The following ARMC2 variants were observed in gnomAD, a reference collection of about 807,000 sequenced individuals.
The protein encoded by ARMC2 is armadillo repeat-containing protein 2.
In ARMC2, 67 loss-of-function variants were observed where a neutral mutation model predicts 90.3. The ratio of observed to expected loss-of-function variants is 0.74; its 90% CI spans 0.61 to 0.91. ARMC2 has a LOEUF of 0.91. Ranked by LOEUF, ARMC2 falls within the 40% of genes least tolerant of loss-of-function variation. The pLI is 0.00. For missense variants in ARMC2, 920 were observed against 1,030.9 expected, an observed-to-expected ratio of 0.89 and a Z score of 1.47; for synonymous variants, 393 against 393.0, an observed-to-expected ratio of 1.00 and a Z score of 0.00.
At chr6:108,924,595 C>T (rs945774725) in intron 10 of ARMC2, among the ~76,000 whole-genome samples, 1 of 152,114 alleles carries the variant, frequency 6.6e-6, no homozygotes, top group Non-Finnish European at 1.5e-5. Context: ...AAAGGCATGG[C>T]GTCATGAAGG....
the ARMC2 span, among the ~76,000 whole-genome samples, chr6:109,021,262 T>C: frequency 6.6e-6 from 1 of 152,136 alleles, no homozygotes; most frequent in Non-Finnish European, 1.5e-5. Context: ...GGATTACAGG[T>C]GTGAGCCACC....
chr6:108,990,712 T>C, the ARMC2 span: 7 of 1,614,174 alleles, frequency 4.3e-6, no homozygotes, highest in South Asian at 7.7e-5. Flanking sequence ...TCAACATCTT[T>C]GTGCATTGCC....
At chr6:108,995,174 C>T in the ARMC2 span, among the ~76,000 whole-genome samples, 13 of 152,194 alleles carry the variant, frequency 8.5e-5, 1 homozygote, top group South Asian at 2.7e-3. Context: ...ATAAAATTAG[C>T]AATAATGTCA....
chr6:108,944,137 A>G lies in ARMC2; in HGVS notation c.1596+7138A>G, dbSNP rs72935137. 6.1e-3 allele frequency among the ~76,000 whole-genome samples: 930 copies of G among 152,338 alleles called. 5 individuals carry two copies. Among genetic ancestry groups the G allele is most frequent in the Non-Finnish European group, 9.3e-3 (630 of 68,034 alleles). ...CCCATAAAACCTCAAAAGATTTTAA[A>G]GTGATTAATCAAATCAGCCACACAG... On this transcript the variant is annotated intron_variant, in intron 12 of 17. Transcript: ENST00000392644.
Position 108,930,558 on chromosome 6 carries a change from G to A in ARMC2, c.1496+2325G>A, listed in dbSNP as rs74981388. On this transcript the variant is annotated intron_variant, in intron 11 of 17. Transcript: ENST00000392644. ...ATTAATGATTTTTTTTCTCATTAGT[G>A]GGTATTAAGTTTTGTCAAATGCTTG... 2.1e-3 allele frequency among the ~76,000 whole-genome samples: 310 copies of A among 149,478 alleles called. 2 individuals carry two copies. Among genetic ancestry groups the A allele is most frequent in the Non-Finnish European group, 3.5e-3 (235 of 67,398 alleles).
chr6:108,953,183 C>G lies in ARMC2; in HGVS notation c.1747C>G (p.Pro583Ala), dbSNP rs763924247. Residue 583 changes from proline (P) to alanine (A), a missense_variant, in exon 13 of 18, where the codon CCG becomes GCG. Physicochemically the swap from Pro to Ala is conservative, Grantham distance 27 (BLOSUM62 -1). Coordinates refer to ENST00000392644, the MANE Select transcript of ARMC2 (RefSeq NM_032131.6). ...FHQLDLHSQK[P>A]VGQRGEQHRA... ...TCAGCTGGATCTGCATTCCCAGAAG[C>G]CGGTGGGCCAACGAGGCGAGCAGCA... The G allele has an allele frequency of 5.6e-6, 9 of 1,613,926 alleles. No individual in the cohort carries two copies. In the East Asian group the frequency reaches 2.0e-4, roughly 36 times the overall value.
At chr6:108,918,617 C>G (rs1774233383) in intron 10 of ARMC2, among the ~76,000 whole-genome samples, 1 of 152,092 alleles carries the variant, frequency 6.6e-6, no homozygotes, top group Non-Finnish European at 1.5e-5. Context: ...TGGGGCAGGC[C>G]CAGTGCCGCC....
At chr6:109,009,513 G>T in the ARMC2 span, 12 of 1,198,882 alleles carry the variant, frequency 1.0e-5, no homozygotes, top group African/African-American at 3.2e-5. Flanking sequence ...CTGGGCAGCC[G>T]GCCGCGGCTC....
intron 17 of ARMC2, among the ~76,000 whole-genome samples, chr6:108,967,383 CG>C (rs912933573): frequency 4.6e-5 from 7 of 152,136 alleles, no homozygotes; most frequent in African/African-American, 1.7e-4. Context: ...GGTGGGGCTG[CG>C]GGGCCGGGGC....
chr6:108,888,927 AC>A (rs1192923378), intron 5 of ARMC2, among the ~76,000 whole-genome samples: 1 of 152,078 alleles, frequency 6.6e-6, no homozygotes, highest in East Asian at 1.9e-4. Flanking sequence ...TTGTATAAGA[AC>A]CCATGACAGT....
rs1226892659 is a variant in ARMC2 at position 108,965,822 on chromosome 6, AT to A, written c.2446+693del. Reference sequence around the variant, plus strand: ...ACCATGCCCAGATAATTAAAAAAAAATTTTTTTTTTTGTAGCGATGAGGTCT... The same window carrying A: ...ACCATGCCCAGATAATTAAAAAAAAATTTTTTTTTTGTAGCGATGAGGTCT... On this transcript the variant is annotated intron_variant, in intron 17 of 17. Transcript: ENST00000392644. Among the ~76,000 whole-genome samples the A allele has an allele frequency of 8.1e-3, 1,175 of 145,814 alleles. 20 individuals are homozygous for A. The highest frequency in any genetic ancestry group is 0.028 in the African/African-American group (1,093 of 39,376).
the ARMC2 span, among the ~76,000 whole-genome samples, chr6:109,046,046 ATAT>A: frequency 6.6e-6 from 1 of 152,322 alleles, no homozygotes; most frequent in Admixed American, 6.5e-5. Flanking sequence ...TAAGTAAAAA[ATAT>A]TATATTTACA....
chr6:108,980,970 C>A, the ARMC2 span, among the ~76,000 whole-genome samples: 13,694 of 152,196 alleles, frequency 0.09, 840 homozygotes, highest in Middle Eastern at 0.2. Context: ...AGGGTTCATA[C>A]CTGATGTGGC....
At chr6:108,850,465 T>C (rs1199961598) in intron 1 of ARMC2, among the ~76,000 whole-genome samples, 2 of 152,186 alleles carry the variant, frequency 1.3e-5, no homozygotes, top group Non-Finnish European at 2.9e-5. Flanking sequence ...ATCTCTCCTC[T>C]AACCTCTGCT....
intron 5 of ARMC2, among the ~76,000 whole-genome samples, chr6:108,881,923 T>G (rs1212782124): frequency 6.6e-6 from 1 of 152,134 alleles, no homozygotes; most frequent in Non-Finnish European, 1.5e-5. Flanking sequence ...CTATGGATCC[T>G]TATTCAGCGT....
At chr6:109,000,681 C>T in the ARMC2 span, 4 of 1,537,032 alleles carry the variant, frequency 2.6e-6, no homozygotes, top group Admixed American at 5.9e-5. Context: ...AGCCTTAAAA[C>T]AAAAAGATTA....
chr6:108,897,903 A>G (rs545101336), intron 6 of ARMC2, among the ~76,000 whole-genome samples: 5 of 152,194 alleles, frequency 3.3e-5, no homozygotes, highest in Non-Finnish European at 7.3e-5. Context: ...AAAAAATATT[A>G]ATATGGATAT....
chr6:108,889,724 C>T (rs1022559000), intron 5 of ARMC2, among the ~76,000 whole-genome samples: 3 of 151,782 alleles, frequency 2.0e-5, no homozygotes, highest in Non-Finnish European at 4.4e-5. Flanking sequence ...GGTGGCATTA[C>T]AGTCGTGAGC....
At chr6:109,046,616 G>T in the ARMC2 span, among the ~76,000 whole-genome samples, 23 of 141,376 alleles carry the variant, frequency 1.6e-4, no homozygotes, top group African/African-American at 5.4e-4. Flanking sequence ...GCGCCCGGCC[G>T]CCATCCCATC....
Sources: gnomAD v4.1 joint callset for allele counts (sites outside exome capture counted in the v4.1 genomes callset) on GRCh38, gnomAD v4.1.1 for gene constraint, MANE v1.5 for transcripts, NCBI Gene and HGNC (gene_info 2026-07-23, HGNC 2026-07-21) for gene names.